NIPBL: variants seen among roughly 807,000 people sequenced by gnomAD.
NIPBL encodes the protein NIPBL cohesin loading factor, also known as nipped-B-like protein.
NIPBL carries 19 observed loss-of-function variants against 321.8 expected under a neutral mutation model. That is an observed-to-expected ratio of 0.06 (90% CI 0.04 to 0.09). The LOEUF is 0.09. Ranked by LOEUF, NIPBL falls within the 10% of genes least tolerant of loss-of-function variation. NIPBL has a pLI of 1.00. For missense variants in NIPBL, 2,210 were observed against 3,327.0 expected, an observed-to-expected ratio of 0.66 and a Z score of 8.26; for synonymous variants, 1,106 against 1,114.1, an observed-to-expected ratio of 0.99 and a Z score of 0.14.
At chr5:36,978,554 T>A (rs1349854115) in intron 9 of NIPBL, among the ~76,000 whole-genome samples, 1 of 151,936 alleles carries the variant, frequency 6.6e-6, no homozygotes, top group Non-Finnish European at 1.5e-5. Context: ...TTTACTCTGC[T>A]ATGGTTTCTT....
intron 9 of NIPBL, among the ~76,000 whole-genome samples, chr5:36,980,621 CCTGGGAG>C (rs1744032439): frequency 6.6e-6 from 1 of 151,520 alleles, no homozygotes; most frequent in Non-Finnish European, 1.5e-5. Flanking sequence ...AGGTTTATAG[CCTGGGAG>C]CAATAAGCTA....
At chr5:36,962,975 A>G (rs1741795390) in intron 6 of NIPBL, among the ~76,000 whole-genome samples, 2 of 152,126 alleles carry the variant, frequency 1.3e-5, no homozygotes, top group Admixed American at 1.3e-4. Context: ...ACTATGAAAA[A>G]TTTACTATAC....
At chr5:37,057,132 G>C (rs574552024) in intron 42 of NIPBL, 54 bp from the exon 43 acceptor site, 11 of 1,600,176 alleles carry the variant, frequency 6.9e-6, no homozygotes. Context: ...AGGTTTTTTG[G>C]TTGGGTTTCT....
intron 9 of NIPBL, among the ~76,000 whole-genome samples, chr5:36,976,866 T>C (rs1743529143): frequency 6.6e-6 from 1 of 152,086 alleles, no homozygotes; most frequent in African/African-American, 2.4e-5. Flanking sequence ...TTTATGATCC[T>C]ACTGGCTTAA....
chr5:36,982,618 T>A (rs1279210752), intron 9 of NIPBL, among the ~76,000 whole-genome samples: 1 of 151,884 alleles, frequency 6.6e-6, no homozygotes, highest in African/African-American at 2.4e-5. Context: ...TAAATAATCA[T>A]AGGATTCATA....
intron 10 of NIPBL, among the ~76,000 whole-genome samples, chr5:36,992,710 T>TTTTA (rs70976270): frequency 0.12 from 16,993 of 137,566 alleles, 1,189 homozygotes; most frequent in Admixed American, 0.15. Flanking sequence ...AAGTCATGCA[T>TTTTA]TTTATTTATT....
At chr5:36,992,082 TTAAAGCCAGAG>T (rs1745590638) in intron 10 of NIPBL, among the ~76,000 whole-genome samples, 2 of 152,150 alleles carry the variant, frequency 1.3e-5, no homozygotes, top group Non-Finnish European at 2.9e-5. Flanking sequence ...TTTAGCCATA[TTAAAGCCAGAG>T]TATAGAGTGC....
chr5:36,990,735 T>C (rs1354759104), intron 10 of NIPBL, among the ~76,000 whole-genome samples: 1 of 152,184 alleles, frequency 6.6e-6, no homozygotes, highest in South Asian at 2.1e-4. Context: ...TAATAGATTG[T>C]TCATACAAAT....
chr5:36,906,563 T>G (rs1182302705), intron 1 of NIPBL, among the ~76,000 whole-genome samples: 1 of 152,204 alleles, frequency 6.6e-6, no homozygotes, highest in African/African-American at 2.4e-5. Context: ...TTTTACTTAT[T>G]GCTTAAGATT....
chr5:36,878,357 C>G lies in NIPBL; in HGVS notation c.-80+1179C>G, dbSNP rs565151281. Among the ~76,000 whole-genome samples, 4 of 152,270 alleles carry G rather than the reference C, an allele frequency of 2.6e-5. No individual in the cohort carries two copies. The East Asian group carries it at 7.7e-4, about 29-fold the overall frequency. On this transcript the variant is annotated intron_variant, in intron 1 of 46. Transcript: ENST00000282516. ...AATATCAGTTCTAACTTGACAAGTTCTAGTTCATGAGTAAGTTAAGTGTTT... is the reference window on the plus strand; with the variant it reads ...AATATCAGTTCTAACTTGACAAGTTGTAGTTCATGAGTAAGTTAAGTGTTT...
chr5:36,920,869 C>G (rs1213034583), intron 1 of NIPBL, among the ~76,000 whole-genome samples: 1 of 148,698 alleles, frequency 6.7e-6, no homozygotes, highest in Non-Finnish European at 1.5e-5. Context: ...CTCTCTCATT[C>G]TCTCCTCTGT....
At chr5:36,986,526 A>G (rs1411062003) in intron 10 of NIPBL, among the ~76,000 whole-genome samples, 1 of 152,094 alleles carries the variant, frequency 6.6e-6, no homozygotes, top group Non-Finnish European at 1.5e-5. Flanking sequence ...CAAGGTAGTT[A>G]TGAATGTTAC....
intron 8 of NIPBL, 73 bp from the exon 9 acceptor site, chr5:36,975,703 T>C (rs1429488558): frequency 6.6e-6 from 9 of 1,365,764 alleles, no homozygotes; most frequent in South Asian, 4.8e-5. Context: ...TTGTCACTTA[T>C]TAATATTTCT....
chr5:37,063,921 A>G lies in NIPBL; in HGVS notation c.7992A>G (p.Ala2664=). The change falls in exon 46 of 47, where the codon GCA becomes GCG. Residue 2664 remains alanine (A), a synonymous_variant. Coordinates refer to ENST00000282516, the MANE Select transcript of NIPBL (RefSeq NM_133433.4). ...LGGGSPKNNT[A]AETEDDESDG... Reference sequence around the variant, plus strand: ...GAGGCAGCCCTAAAAATAATACAGCAGCAGAGACAGAAGATGATGAAAGTG... The same window carrying G: ...GAGGCAGCCCTAAAAATAATACAGCGGCAGAGACAGAAGATGATGAAAGTG... 6.2e-7 allele frequency: 1 copy of G among 1,614,072 alleles called. No individual in the cohort carries two copies. Among genetic ancestry groups the G allele is most frequent in the Non-Finnish European group, 8.5e-7 (1 of 1,180,038 alleles).
At chr5:37,044,559 G>A in intron 35 of NIPBL, 72 bp downstream of exon 35, 2 of 1,577,460 alleles carry the variant, frequency 1.3e-6, no homozygotes, top group Non-Finnish European at 1.7e-6. Context: ...AATTTTTAAA[G>A]CAAATATTTG....
At chr5:36,898,185 G>A (rs983107830) in intron 1 of NIPBL, among the ~76,000 whole-genome samples, 25 of 152,102 alleles carry the variant, frequency 1.6e-4, no homozygotes, top group Non-Finnish European at 3.4e-4. Context: ...TGATCAGTAA[G>A]GATAAAGTGT....
chr5:37,034,454 G>T (rs1385703043), intron 32 of NIPBL, among the ~76,000 whole-genome samples: 1 of 152,134 alleles, frequency 6.6e-6, no homozygotes. Context: ...AGTGCTTATT[G>T]TACTAAAATT....
intron 1 of NIPBL, among the ~76,000 whole-genome samples, chr5:36,950,651 A>G (rs1740184758): frequency 6.6e-6 from 1 of 152,124 alleles, no homozygotes; most frequent in Admixed American, 6.5e-5. Flanking sequence ...CTTAAGTGAC[A>G]GTTTTAAAGC....
intron 1 of NIPBL, among the ~76,000 whole-genome samples, chr5:36,946,960 T>C (rs1208669263): frequency 6.6e-6 from 1 of 152,138 alleles, no homozygotes; most frequent in East Asian, 1.9e-4. Context: ...TAGAAACACC[T>C]GAGTTCAAAT....
Sources: allele counts gnomAD v4.1 joint callset (sites outside exome capture counted in the v4.1 genomes callset), GRCh38; gene constraint gnomAD v4.1.1; transcripts MANE v1.5; gene names NCBI Gene and HGNC (gene_info 2026-07-23, HGNC 2026-07-21).